WIZ: variants seen among roughly 807,000 people sequenced by gnomAD.
The protein encoded by WIZ is WIZ zinc finger.
In WIZ, 25 loss-of-function variants were observed where a neutral mutation model predicts 140.2. The observed-to-expected ratio is 0.18, with a 90% CI of 0.13 to 0.25. WIZ has a LOEUF of 0.25. WIZ is among the 10% of genes least tolerant of loss of function. The pLI, the probability that WIZ is intolerant of heterozygous loss-of-function variation, is 1.00. For missense variants in WIZ, 2,231 were observed against 2,632.6 expected (o/e 0.85, Z 3.34); for synonymous variants, 1,125 against 1,154.3 (o/e 0.97, Z 0.51).
In WIZ at chr19:15,425,354, T is replaced by G; in HGVS notation, c.4781A>C (p.Lys1594Thr). ...GAGGCGGTCCTCCTGCAGGGGCCGC[T>G]TGGCTGCCACTGAGCCCAGGTAGCC... ...ATGYLGSVAA[K>T]RPLQEDRLLP... is the part of the protein sequence containing the mutation. The change falls in exon 10 of 13, where the codon AAG becomes ACG. Residue 1594 changes from lysine (K) to threonine (T), a missense_variant. Physicochemically the swap from Lys to Thr is moderately conservative, Grantham distance 78 (BLOSUM62 -1). This residue lies in a region of WIZ where 393 missense variants were observed against 451.7 expected (regional missense o/e 0.87). Coordinates refer to ENST00000673675, the MANE Select transcript of WIZ (RefSeq NM_001371589.1). 1 of 1,558,604 alleles carries G rather than the reference T, an allele frequency of 6.4e-7. No individual in the cohort carries two copies. Among genetic ancestry groups the G allele is most frequent in the Non-Finnish European group, 8.7e-7 (1 of 1,151,476 alleles).
chr19:15,443,083 A>G (rs1369265867), intron 2 of WIZ, among the ~76,000 whole-genome samples: 1 of 152,080 alleles, frequency 6.6e-6, no homozygotes, highest in African/African-American at 2.4e-5. Context: ...CCAGACTTCT[A>G]TTTTTTGAGA....
intron 5 of WIZ, among the ~76,000 whole-genome samples, chr19:15,434,450 C>T (rs1969440874): frequency 6.6e-6 from 1 of 151,466 alleles, no homozygotes; most frequent in Non-Finnish European, 1.5e-5. Flanking sequence ...GTAGTCCCAG[C>T]TACTCGGGAG....
At chr19:15,434,567 C>T (rs1568305283) in intron 5 of WIZ, among the ~76,000 whole-genome samples, 1 of 124,506 alleles carries the variant, frequency 8.0e-6, no homozygotes, top group African/African-American at 3.2e-5. Flanking sequence ...CATCTCAAGA[C>T]AGAGCGAGAC....
At chr19:15,437,446 TG>T in intron 4 of WIZ, among the ~76,000 whole-genome samples, 1 of 152,224 alleles carries the variant, frequency 6.6e-6, no homozygotes, top group Non-Finnish European at 1.5e-5. Context: ...GAAGATCTCT[TG>T]AGCCCAGGAG....
At position 15,439,532 on chromosome 19, in the gene WIZ, C is replaced by G. The variant is rs761829209; in HGVS notation, c.1462G>C (p.Ala488Pro). ...CCATCCTCCTCCCAGTGGGGATGGG[C>G]ATGCACCAGCCTCACGTGCTCCCTG... The part of the protein sequence containing the change: ...LLREHVRLVH[A>P]HPHWEEDGEA... Residue 488 changes from alanine (A) to proline (P), a missense_variant, in exon 4 of 13, where the codon GCC (alanine) becomes CCC (proline). Coordinates refer to ENST00000673675, the MANE Select transcript of WIZ (RefSeq NM_001371589.1). This position sits in a 1 kb window ranked among gnomAD's most constrained non-coding sequence, Gnocchi z 7.0. 2.9e-4 allele frequency: 445 copies of G among 1,528,138 alleles called. No homozygotes were observed. The highest frequency in any genetic ancestry group is 3.7e-4 in the Non-Finnish European group (427 of 1,142,516). The allele number at this position is 1,528,138 out of a possible 1,614,324, so 94.7% of individuals were successfully genotyped here.
At chr19:15,430,217 C>G in intron 6 of WIZ, 128 bp from the exon 7 acceptor site, 2 of 1,308,952 alleles carry the variant, frequency 1.5e-6, no homozygotes, top group African/African-American at 1.5e-5. Flanking sequence ...TCAGGCCCCC[C>G]AAACCTCACA....
In WIZ at chr19:15,438,756, G is replaced by T. The variant is rs750802628; in HGVS notation, c.2238C>A (p.His746Gln). The T allele has an allele frequency of 6.5e-7, 1 of 1,535,508 alleles. No individual in the cohort carries two copies. Among genetic ancestry groups the T allele is most frequent in the African/African-American group, 1.4e-5 (1 of 73,172 alleles). Residue 746 changes from histidine (H) to glutamine (Q), a missense_variant, in exon 4 of 13, where the codon CAC (histidine) becomes CAA (glutamine). His to Gln is a conservative substitution (Grantham distance 24). This residue lies in a region of WIZ where 118 missense variants were observed against 209.1 expected (regional missense o/e 0.56). Transcript: ENST00000673675. ...LDGDPAMALK[H>Q]EERKCPYCPD... ...GGCAGTAGGGGCATTTCCGCTCCTC[G>T]TGCTTCAGTGCCATGGCCGGATCCC...
intron 9 of WIZ, among the ~76,000 whole-genome samples, chr19:15,426,676 C>T (rs1399159824): frequency 6.6e-6 from 1 of 152,224 alleles, no homozygotes; most frequent in Admixed American, 6.5e-5. Context: ...TAATGGATCC[C>T]CGCAGTCTTT....
chr19:15,449,698 C>G, intron 1 of WIZ, 100 bp downstream of exon 1: 1 of 146,504 alleles, frequency 6.8e-6, no homozygotes, highest in East Asian at 2.1e-4. Flanking sequence ...CCCGCCCCCG[C>G]CCCGGGGGGT....
Position 15,440,842 on chromosome 19 carries a change from T to G in WIZ, c.279-127A>C. ...AGATCCAGCCCGAGGGTGACAGGGG[T>G]GTGGGGGTGAGGGTGGGAGGTAGGG... is the stretch of plus-strand genomic sequence containing the variant. On this transcript the variant is annotated intron_variant, in intron 3 of 12. Transcript: ENST00000673675. This position sits in a 1 kb window ranked among gnomAD's most constrained non-coding sequence, Gnocchi z 6.2. 23 of 804,754 alleles carry G rather than the reference T, an allele frequency of 2.9e-5. No homozygotes were observed. The highest frequency in any genetic ancestry group is 9.4e-5 in the East Asian group (3 of 31,844). 49.9% of individuals were successfully genotyped at this position (804,754 alleles called of 1,614,324 possible).
Position 15,428,564 on chromosome 19 carries a change from G to T in WIZ, c.3416-56C>A. The stretch of plus-strand genomic sequence containing the variant: ...GGCCGCCACCTTGGCCGGCCTTGGG[G>T]GCCTGAGGTAGGAGGGTCTGGTGTG... On this transcript the variant is annotated intron_variant, in intron 7 of 12. Transcript: ENST00000673675. This position sits in a 1 kb window ranked among gnomAD's most constrained non-coding sequence, Gnocchi z 6.4. The T allele has an allele frequency of 6.5e-7, 1 of 1,534,524 alleles. No individual in the cohort carries two copies. Among genetic ancestry groups the T allele is most frequent in the Middle Eastern group, 1.7e-4 (1 of 5,936 alleles).
rs763619361 is a variant in WIZ at position 15,423,084 on chromosome 19, C to A, written c.5662G>T (p.Ala1888Ser). ...APQAQTAAAE[A>S]P is the part of the protein sequence containing the mutation. ...TCTGGAATGCTTTTGTGTTAGGGAG[C>A]CTCTGCCGCCGCTGTCTGTGCCTGC... The change falls in exon 13 of 13, where the codon GCT (alanine) becomes TCT (serine). Residue 1888 changes from alanine (A) to serine (S), a missense_variant. By Grantham distance (99) the Ala-to-Ser change is moderately conservative. This residue lies in a region of WIZ where 299 missense variants were observed against 309.6 expected (regional missense o/e 0.97). Coordinates refer to ENST00000673675, the MANE Select transcript of WIZ (RefSeq NM_001371589.1). 3.7e-6 allele frequency: 6 copies of A among 1,611,162 alleles called. No individual in the cohort carries two copies. Among genetic ancestry groups the A allele is most frequent in the Non-Finnish European group, 5.1e-6 (6 of 1,179,354 alleles).
At position 15,428,533 on chromosome 19, in the gene WIZ, G is replaced by T; in HGVS notation, c.3416-25C>A. The T allele has an allele frequency of 6.5e-7, 1 of 1,535,192 alleles. No homozygotes were observed. The highest frequency in any genetic ancestry group is 8.7e-7 in the Non-Finnish European group (1 of 1,146,680). On this transcript the variant is annotated intron_variant, in intron 7 of 12. Coordinates refer to ENST00000673675, the MANE Select transcript of WIZ (RefSeq NM_001371589.1). This position sits in a 1 kb window ranked among gnomAD's most constrained non-coding sequence, Gnocchi z 6.4. Reference sequence around the variant, plus strand: ...GCTGCGGAGACAAAACACAGGGGGGGTTCACGGCCGCCACCTTGGCCGGCC... The same window carrying T: ...GCTGCGGAGACAAAACACAGGGGGGTTTCACGGCCGCCACCTTGGCCGGCC...
At chr19:15,431,507 C>T (rs949243670) in intron 5 of WIZ, among the ~76,000 whole-genome samples, 12 of 152,178 alleles carry the variant, frequency 7.9e-5, no homozygotes, top group Non-Finnish European at 2.9e-5. Flanking sequence ...TGAGGGGGAA[C>T]GTCTGCCTGT....
In WIZ at chr19:15,438,865, C is replaced by T; in HGVS notation, c.2129G>A (p.Gly710Glu). 6.8e-7 allele frequency: 1 copy of T among 1,466,604 alleles called. No homozygotes were observed. Among genetic ancestry groups the T allele is most frequent in the Non-Finnish European group, 9.0e-7 (1 of 1,109,246 alleles). The allele number at this position is 1,466,604 out of a possible 1,614,324, so 90.8% of individuals were successfully genotyped here. Reference protein sequence around the residue: ...VPPRLQPEELGLAGAHPLDFL... With the variant: ...VPPRLQPEELELAGAHPLDFL... ...GTCCAGGGGGTGGGCGCCTGCCAGCCCCAGCTCCTCGGGCTGCAACCTTGG... is the reference window on the plus strand; with the variant it reads ...GTCCAGGGGGTGGGCGCCTGCCAGCTCCAGCTCCTCGGGCTGCAACCTTGG... Residue 710 changes from glycine (G) to glutamate (E), a missense_variant, in exon 4 of 13, where the codon GGG becomes GAG. Transcript: ENST00000673675.
At chr19:15,431,840 C>CCCT (rs1210599906) in intron 5 of WIZ, among the ~76,000 whole-genome samples, 2 of 152,232 alleles carry the variant, frequency 1.3e-5, no homozygotes, top group Non-Finnish European at 2.9e-5. Context: ...CCCGCAGCAT[C>CCCT]CCTGGGTGAG....
Position 15,429,773 on chromosome 19 carries a change from G to A in WIZ, c.3228C>T (p.Gly1076=), listed in dbSNP as rs1290503441. 2 of 1,514,162 alleles carry A rather than the reference G, an allele frequency of 1.3e-6. No individual in the cohort carries two copies. Among genetic ancestry groups the A allele is most frequent in the South Asian group, 2.4e-5 (2 of 82,234 alleles). 93.8% of individuals were successfully genotyped at this position (1,514,162 alleles called of 1,614,324 possible). A position where few individuals can be genotyped will look rare whatever the true frequency, so the allele number is the denominator to read the frequency against. Residue 1076 remains glycine, a synonymous_variant, in exon 7 of 13, where the codon GGC becomes GGT. Coordinates refer to ENST00000673675, the MANE Select transcript of WIZ (RefSeq NM_001371589.1). ...GGTGGCCCAGGCCCTTGGCCGAGAAGCCGGGAGGCGACTTGATGGCTTTGT... is the reference window on the plus strand; with the variant it reads ...GGTGGCCCAGGCCCTTGGCCGAGAAACCGGGAGGCGACTTGATGGCTTTGT... ...AVNKAIKSPP[G]FSAKGLGHPP...
At position 15,440,421 on chromosome 19, in the gene WIZ, G is replaced by T. The variant is rs111447846; in HGVS notation, c.573C>A (p.Asp191Glu). The stretch of plus-strand genomic sequence containing the variant: ...CTGCGTCCTGGGGGGATCCCTGCTC[G>T]TCCTCATCTTGGAGCCAGTCGAACC... ...RPRFDWLQDE[D>E]EQGSPQDAGL... Residue 191 changes from aspartate to glutamate, a missense_variant, in exon 4 of 13, where the codon GAC (aspartate) becomes GAA (glutamate). By Grantham distance (45) the Asp-to-Glu change is conservative (BLOSUM62 2). Around this residue, in one of 15 missense-constraint regions of WIZ, gnomAD observed 307 missense variants for 294.1 expected, o/e 1.04. Transcript: ENST00000673675. This position sits in a 1 kb window ranked among gnomAD's most constrained non-coding sequence, Gnocchi z 6.2. 1.0e-3 allele frequency: 1,593 copies of T among 1,535,982 alleles called. 15 individuals carry two copies. The African/African-American group carries it at 0.02, about 19-fold the overall frequency.
chr19:15,440,541 G>A lies in WIZ; in HGVS notation c.453C>T (p.Thr151=), dbSNP rs1599705045. Residue 151 remains threonine, a synonymous_variant, in exon 4 of 13, where the codon ACC becomes ACT. Coordinates refer to ENST00000673675, the MANE Select transcript of WIZ (RefSeq NM_001371589.1). The surrounding 1 kb of genome is among the most constrained non-coding windows in gnomAD (Gnocchi z 6.2). ...RRFEDSVIVR[T]MKPHAELEGS... is the part of the protein sequence containing the mutation. The stretch of plus-strand genomic sequence containing the variant: ...CCTCTAGCTCAGCGTGGGGTTTCAT[G>A]GTTCTCACAATGACTGAGTCCTCGA... 3.9e-6 allele frequency: 6 copies of A among 1,536,170 alleles called. No individual in the cohort carries two copies. Among genetic ancestry groups the A allele is most frequent in the South Asian group, 1.2e-5 (1 of 84,062 alleles).
Sources: gnomAD v4.1 joint callset for allele counts (sites outside exome capture counted in the v4.1 genomes callset) on GRCh38, gnomAD v4.1.1 for gene constraint, gnomAD v4.1.1 regional missense constraint, Gnocchi (gnomAD v3.1) non-coding constraint, MANE v1.5 for transcripts, NCBI Gene and HGNC (gene_info 2026-07-23, HGNC 2026-07-21) for gene names.